Variants in VSTM5 observed in about 807,000 individuals in gnomAD.
VSTM5 encodes V-set and transmembrane domain containing 5.
Under a neutral mutation model 20.3 loss-of-function variants are expected in VSTM5, and 21 were observed. That is an observed-to-expected ratio of 1.03 (90% CI 0.73 to 1.49). The LOEUF is 1.49. Ranked by LOEUF, VSTM5 falls within the 40% of genes most tolerant of loss-of-function variation. The pLI, the probability that VSTM5 is intolerant of heterozygous loss-of-function variation, is 0.00. For missense variants in VSTM5, 219 were observed against 250.0 expected (o/e 0.88, Z 0.84); for synonymous variants, 100 against 102.5 (o/e 0.98, Z 0.14).
At chr11:93,836,493 C>T (rs775724530) in intron 1 of VSTM5, among the ~76,000 whole-genome samples, 8 of 152,298 alleles carry the variant, frequency 5.3e-5, no homozygotes, top group Non-Finnish European at 8.8e-5. Flanking sequence ...TTTCTTCAGC[C>T]CCTTGGATTC....
chr11:93,820,290 T>G lies in VSTM5; in HGVS notation c.*279A>C. On this transcript the variant is annotated 3_prime_UTR_variant, in exon 4 of 4. Transcript: ENST00000409977. ...AGCAGCCAACGCCTGCACTCACCCA[T>G]TGGTTATGTGTCAGCACGGCCCTGA... The G allele has an allele frequency of 4.4e-6, 2 of 455,044 alleles. No homozygotes were observed. Among genetic ancestry groups the G allele is most frequent in the Non-Finnish European group, 4.0e-6 (1 of 248,188 alleles). 28.2% of individuals were successfully genotyped at this position (455,044 alleles called of 1,614,324 possible).
At chr11:93,842,583 G>T (rs1944379154) in intron 1 of VSTM5, among the ~76,000 whole-genome samples, 1 of 152,270 alleles carries the variant, frequency 6.6e-6, no homozygotes, top group Admixed American at 6.5e-5. Context: ...CAGTGTGCAA[G>T]GGGTTGGGGA....
Position 93,850,491 on chromosome 11 carries a change from C to G in VSTM5, c.12G>C (p.Leu4=), listed in dbSNP as rs775716356. The G allele has an allele frequency of 6.5e-7, 1 of 1,549,670 alleles. No individual in the cohort carries two copies. Among genetic ancestry groups the G allele is most frequent in the South Asian group, 1.2e-5 (1 of 83,926 alleles). ...CTCGGGTCTTCCTCCTCCCGCTGGGCAGAGGCCTCATGGGCGAGCCCGGGG... is the reference window on the plus strand; with the variant it reads ...CTCGGGTCTTCCTCCTCCCGCTGGGGAGAGGCCTCATGGGCGAGCCCGGGG... The part of the protein sequence containing the change: MRP[L]PSGRRKTRGI... Residue 4 remains leucine (L), a synonymous_variant, in exon 1 of 4, where the codon CTG becomes CTC. Transcript: ENST00000409977.
chr11:93,841,057 G>A (rs1057015358), intron 1 of VSTM5, among the ~76,000 whole-genome samples: 1 of 152,126 alleles, frequency 6.6e-6, no homozygotes, highest in Non-Finnish European at 1.5e-5. Flanking sequence ...CCCCACCTTC[G>A]CAGGCCCAGA....
chr11:93,818,530 T>TGA lies in VSTM5; in HGVS notation c.*2038_*2039insTC, dbSNP rs1555036031. On this transcript the variant is annotated 3_prime_UTR_variant, in exon 4 of 4. Coordinates refer to ENST00000409977, the MANE Select transcript of VSTM5 (RefSeq NM_001144871.2). The stretch of plus-strand genomic sequence containing the variant: ...GATGTGAATAAACTGTCATGAGATT[T>TGA]GGGCGGGGGGGCAATTTAATTGACA... The TGA allele has an allele frequency of 8.2e-6, 1 of 121,456 alleles. No individual in the cohort carries two copies. Among genetic ancestry groups the TGA allele is most frequent in the Admixed American group, 9.2e-5 (1 of 10,824 alleles). The allele number at this position is 121,456 out of a possible 1,614,324, so 7.5% of individuals were successfully genotyped here. A position where few individuals can be genotyped will look rare whatever the true frequency, so the allele number is the denominator to read the frequency against.
chr11:93,844,039 C>T (rs1944392853), intron 1 of VSTM5, among the ~76,000 whole-genome samples: 1 of 152,242 alleles, frequency 6.6e-6, no homozygotes, highest in South Asian at 2.1e-4. Context: ...AGATGACTGA[C>T]TGCCCATCTC....
chr11:93,842,611 T>C (rs950254048), intron 1 of VSTM5, among the ~76,000 whole-genome samples: 1 of 152,234 alleles, frequency 6.6e-6, no homozygotes, highest in Non-Finnish European at 1.5e-5. Context: ...GGGTTTGCCG[T>C]CTGCAAAGCT....
chr11:93,844,387 G>A (rs188394181), intron 1 of VSTM5, among the ~76,000 whole-genome samples: 297 of 152,182 alleles, frequency 2.0e-3, no homozygotes, highest in Non-Finnish European at 3.3e-3. Flanking sequence ...CCCCTTACCC[G>A]TGCCTAGTGC....
At chr11:93,831,851 A>G (rs1944286241) in intron 1 of VSTM5, among the ~76,000 whole-genome samples, 1 of 150,942 alleles carries the variant, frequency 6.6e-6, no homozygotes, top group African/African-American at 2.5e-5. Flanking sequence ...GGGAAAGTTG[A>G]CTGACCTGGG....
At chr11:93,843,359 G>A (rs1944386640) in intron 1 of VSTM5, among the ~76,000 whole-genome samples, 1 of 151,980 alleles carries the variant, frequency 6.6e-6, no homozygotes, top group South Asian at 2.1e-4. Flanking sequence ...TCCTCGATCT[G>A]CCGTCAGCTA....
At chr11:93,836,533 G>C (rs951251935) in intron 1 of VSTM5, among the ~76,000 whole-genome samples, 1 of 152,006 alleles carries the variant, frequency 6.6e-6, no homozygotes, top group Non-Finnish European at 1.5e-5. Flanking sequence ...CAGGGACTTA[G>C]CATAGGCTAC....
At chr11:93,826,735 T>C (rs2135731579) in intron 1 of VSTM5, among the ~76,000 whole-genome samples, 1 of 152,292 alleles carries the variant, frequency 6.6e-6, no homozygotes, top group African/African-American at 2.4e-5. Context: ...TTTATAGTTA[T>C]AAACTCTCCC....
At chr11:93,823,004 G>A (rs1191862040) in intron 1 of VSTM5, among the ~76,000 whole-genome samples, 1 of 152,136 alleles carries the variant, frequency 6.6e-6, no homozygotes, top group Non-Finnish European at 1.5e-5. Context: ...TATCCTGGGA[G>A]ACTACCAGCC....
chr11:93,834,757 T>C (rs1944310359), intron 1 of VSTM5, among the ~76,000 whole-genome samples: 1 of 117,932 alleles, frequency 8.5e-6, no homozygotes, highest in African/African-American at 4.4e-5. Context: ...CACTCCAGCC[T>C]GGGCGACAGA....
chr11:93,831,960 G>A (rs1944286893), intron 1 of VSTM5, among the ~76,000 whole-genome samples: 1 of 152,150 alleles, frequency 6.6e-6, no homozygotes, highest in South Asian at 2.1e-4. Flanking sequence ...ATTGTAAATG[G>A]GTGGAACCTG....
At chr11:93,823,358 C>A (rs1167462317) in intron 1 of VSTM5, among the ~76,000 whole-genome samples, 2 of 151,984 alleles carry the variant, frequency 1.3e-5, no homozygotes, top group African/African-American at 4.8e-5. Flanking sequence ...ATTTAATTGA[C>A]AAATAAAGAT....
At chr11:93,835,160 C>T (rs1309390643) in intron 1 of VSTM5, among the ~76,000 whole-genome samples, 3 of 152,042 alleles carry the variant, frequency 2.0e-5, no homozygotes, top group Admixed American at 1.3e-4. Flanking sequence ...TGCAGGGGCT[C>T]ATGCTTGTAA....
At chr11:93,829,848 A>C (rs565235591) in intron 1 of VSTM5, among the ~76,000 whole-genome samples, 5 of 152,294 alleles carry the variant, frequency 3.3e-5, no homozygotes, top group Admixed American at 1.3e-4. Context: ...GAGGTTAGGT[A>C]ATTTGCCCAA....
chr11:93,840,844 C>T (rs1394853084), intron 1 of VSTM5, among the ~76,000 whole-genome samples: 2 of 152,118 alleles, frequency 1.3e-5, no homozygotes, highest in African/African-American at 4.8e-5. Context: ...AGAATAGGGT[C>T]TATAGGCAGG....
Sources: gnomAD v4.1 joint callset for allele counts (sites outside exome capture counted in the v4.1 genomes callset) on GRCh38, gnomAD v4.1.1 for gene constraint, MANE v1.5 for transcripts, NCBI Gene and HGNC (gene_info 2026-07-23, HGNC 2026-07-21) for gene names.